The following SV2C variants were observed in gnomAD, a reference collection of about 807,000 sequenced individuals.
SV2C encodes the protein solute carrier family 22 member B3.
SV2C carries 49 observed loss-of-function variants against 79.7 expected under a neutral mutation model. The ratio of observed to expected loss-of-function variants is 0.61; its 90% CI spans 0.49 to 0.78. The LOEUF (loss-of-function observed/expected upper bound fraction) is 0.78, where lower values mean the gene tolerates loss of function less well. Among genes scored for constraint, SV2C ranks in the 30% least tolerant of loss-of-function variants. The pLI, the probability that SV2C is intolerant of heterozygous loss-of-function variation, is 0.00. For synonymous variants in SV2C, 334 were observed against 333.2 expected, an observed-to-expected ratio of 1.00 and a Z score of -0.03; for missense variants, 833 against 912.9, an observed-to-expected ratio of 0.91 and a Z score of 1.13.
At chr5:76,127,128 G>T (rs1053126226) in intron 1 of SV2C, among the ~76,000 whole-genome samples, 6 of 152,182 alleles carry the variant, frequency 3.9e-5, no homozygotes, top group Non-Finnish European at 7.3e-5. Context: ...GGGAGGCGGA[G>T]CTATCCAAGA....
the SV2C span, among the ~76,000 whole-genome samples, chr5:75,880,072 T>C: frequency 6.6e-6 from 1 of 152,198 alleles, no homozygotes; most frequent in Non-Finnish European, 1.5e-5. Flanking sequence ...GGAGCAGTGT[T>C]CTGGGGTGGC....
the SV2C span, among the ~76,000 whole-genome samples, chr5:75,950,050 G>A: frequency 2.6e-5 from 4 of 151,962 alleles, no homozygotes; most frequent in African/African-American, 4.8e-5. Context: ...GAGGAGTGTG[G>A]GAAAAAAGCC....
At chr5:75,958,005 C>G in the SV2C span, among the ~76,000 whole-genome samples, 1 of 151,998 alleles carries the variant, frequency 6.6e-6, no homozygotes, top group African/African-American at 2.4e-5. Flanking sequence ...GTGCCCCCAA[C>G]AGAAGGATAC....
At chr5:76,287,882 C>T (rs1183947249) in intron 6 of SV2C, among the ~76,000 whole-genome samples, 1 of 152,082 alleles carries the variant, frequency 6.6e-6, no homozygotes, top group Non-Finnish European at 1.5e-5. Flanking sequence ...GTCAGGAGAT[C>T]GAGACCATCC....
At chr5:75,904,627 C>T in the SV2C span, among the ~76,000 whole-genome samples, 7 of 152,178 alleles carry the variant, frequency 4.6e-5, no homozygotes, top group African/African-American at 1.7e-4. Context: ...GTCTGCACAA[C>T]TCAATGAGCT....
chr5:76,106,302 C>G (rs1455618689), intron 1 of SV2C, among the ~76,000 whole-genome samples: 1 of 152,128 alleles, frequency 6.6e-6, no homozygotes, highest in East Asian at 1.9e-4. Context: ...TCCCGTGCCC[C>G]CTCCCATCTG....
At chr5:76,165,175 A>G (rs1265176559) in intron 2 of SV2C, among the ~76,000 whole-genome samples, 1 of 152,138 alleles carries the variant, frequency 6.6e-6, no homozygotes, top group Non-Finnish European at 1.5e-5. Context: ...TTAAGACTCA[A>G]TAGAAGTTGT....
At chr5:76,192,143 A>G (rs1001776176) in intron 2 of SV2C, among the ~76,000 whole-genome samples, 4 of 152,204 alleles carry the variant, frequency 2.6e-5, no homozygotes, top group African/African-American at 9.7e-5. Flanking sequence ...TTAAAAATGT[A>G]TTAGAAATGT....
At chr5:76,226,181 G>A (rs898398056) in intron 4 of SV2C, among the ~76,000 whole-genome samples, 35 of 152,216 alleles carry the variant, frequency 2.3e-4, no homozygotes, top group African/African-American at 8.2e-4. Context: ...AGCCTGAGCA[G>A]TTAGGTGGAT....
At chr5:75,954,301 C>T in the SV2C span, among the ~76,000 whole-genome samples, 1 of 151,922 alleles carries the variant, frequency 6.6e-6, no homozygotes, top group Admixed American at 6.6e-5. Flanking sequence ...TAAGTTGTTT[C>T]AGGGAAAGGT....
At chr5:76,045,225 A>C in the SV2C span, among the ~76,000 whole-genome samples, 1 of 151,984 alleles carries the variant, frequency 6.6e-6, no homozygotes, top group Non-Finnish European at 1.5e-5. Context: ...ATGGTTTTAG[A>C]TGTGTAGTCT....
At chr5:76,223,467 A>ATATATG (rs1745139925) in intron 4 of SV2C, among the ~76,000 whole-genome samples, 1 of 67,666 alleles carries the variant, frequency 1.5e-5, no homozygotes, top group Non-Finnish European at 2.6e-5. Context: ...ATATATATAT[A>ATATATG]TATATATATA....
intron 6 of SV2C, among the ~76,000 whole-genome samples, chr5:76,288,758 A>G (rs1747439349): frequency 1.3e-5 from 2 of 152,236 alleles, no homozygotes; most frequent in African/African-American, 4.8e-5. Context: ...TTTCAAAGTC[A>G]TTTATATGTG....
At chr5:76,283,710 A>C (rs1049300725) in intron 4 of SV2C, among the ~76,000 whole-genome samples, 4 of 152,216 alleles carry the variant, frequency 2.6e-5, no homozygotes, top group Non-Finnish European at 5.9e-5. Flanking sequence ...TCATATATTA[A>C]ATTCCCAGAG....
chr5:76,012,559 T>C, the SV2C span, among the ~76,000 whole-genome samples: 4 of 152,228 alleles, frequency 2.6e-5, no homozygotes, highest in African/African-American at 7.2e-5. Flanking sequence ...GTAGGTTGTA[T>C]GTTCACTCTG....
In SV2C at chr5:76,109,079, A is replaced by G. The variant is rs565311146; in HGVS notation, c.-101-22571A>G. Among the ~76,000 whole-genome samples, 4 of 152,356 alleles carry G rather than the reference A, an allele frequency of 2.6e-5. No individual in the cohort carries two copies. In the South Asian group the frequency reaches 8.3e-4, roughly 32 times the overall value. On this transcript the variant is annotated intron_variant, in intron 1 of 12. Coordinates refer to ENST00000502798, the MANE Select transcript of SV2C (RefSeq NM_014979.4). The stretch of plus-strand genomic sequence containing the variant: ...CACTTGGAGGAGGAGATTCAGAAGA[A>G]GAATTTGTGTTAGAGGACTAATTTC...
chr5:76,027,063 T>A, the SV2C span, among the ~76,000 whole-genome samples: 1 of 149,400 alleles, frequency 6.7e-6, no homozygotes, highest in Non-Finnish European at 1.5e-5. Context: ...AGTTGTCTTT[T>A]TTTTTTTTTT....
rs1309762722 is a variant in SV2C at position 76,332,797 on chromosome 5, C to T, written c.*7250C>T. On this transcript the variant is annotated 3_prime_UTR_variant, in exon 13 of 13. Coordinates refer to ENST00000502798, the MANE Select transcript of SV2C (RefSeq NM_014979.4). ...TAAACATTTGCCAGCATACCACCAT[C>T]TAAAGCCCTAAAGAATGCTTGGCCT... 1 of 152,218 alleles carries T rather than the reference C, an allele frequency of 6.6e-6. No individual in the cohort carries two copies. Among genetic ancestry groups the T allele is most frequent in the Non-Finnish European group, 1.5e-5 (1 of 68,044 alleles). The allele number at this position is 152,218 out of a possible 1,614,324, so 9.4% of individuals were successfully genotyped here. A position where few individuals can be genotyped will look rare whatever the true frequency, so the allele number is the denominator to read the frequency against.
At chr5:76,096,214 C>T (rs1329439682) in intron 1 of SV2C, among the ~76,000 whole-genome samples, 1 of 152,056 alleles carries the variant, frequency 6.6e-6, no homozygotes, top group Non-Finnish European at 1.5e-5. Flanking sequence ...CTATCTTTTC[C>T]CTATATTTTA....
Sources: allele counts gnomAD v4.1 joint callset (sites outside exome capture counted in the v4.1 genomes callset), GRCh38; gene constraint gnomAD v4.1.1; transcripts MANE v1.5; gene names NCBI Gene and HGNC (gene_info 2026-07-23, HGNC 2026-07-21).